Variants in RTN4RL1 observed in about 807,000 individuals in gnomAD.
RTN4RL1 encodes reticulon 4 receptor like 1, also known as reticulon-4 receptor-like 1.
RTN4RL1 carries 7 observed loss-of-function variants against 25.6 expected under a neutral mutation model. The ratio of observed to expected loss-of-function variants is 0.27; its 90% CI spans 0.16 to 0.51. RTN4RL1 has a LOEUF of 0.51. Ranked by LOEUF, RTN4RL1 falls within the 20% of genes least tolerant of loss-of-function variation. RTN4RL1 has a pLI of 0.97. For synonymous variants in RTN4RL1, 297 were observed against 288.2 expected (o/e 1.03, Z -0.31); for missense variants, 500 against 615.6 (o/e 0.81, Z 1.99).
At chr17:1,953,956 C>A (rs560682937) in intron 1 of RTN4RL1, among the ~76,000 whole-genome samples, 1 of 152,318 alleles carries the variant, frequency 6.6e-6, no homozygotes, top group Admixed American at 6.5e-5. Context: ...AAATGCATGG[C>A]CCTGAAGCCC....
intron 1 of RTN4RL1, among the ~76,000 whole-genome samples, chr17:1,956,221 C>G (rs10438728): frequency 0.45 from 68,410 of 151,656 alleles, 16,309 homozygotes; most frequent in Middle Eastern, 0.57. Flanking sequence ...CACCACCCAG[C>G]GGGGTGCAGG....
intron 1 of RTN4RL1, among the ~76,000 whole-genome samples, chr17:1,978,015 T>A (rs11656222): frequency 6.7e-6 from 1 of 150,246 alleles, no homozygotes; most frequent in South Asian, 2.1e-4. Flanking sequence ...GCACCCCGCA[T>A]CCTGCACCCC....
chr17:2,023,786 A>C (rs902271327), intron 1 of RTN4RL1: 4 of 152,016 alleles, frequency 2.6e-5, no homozygotes, highest in African/African-American at 7.2e-5. Context: ...CCATGGAAAC[A>C]GGGGCGGATT....
At chr17:1,995,297 G>C (rs1470801114) in intron 1 of RTN4RL1, among the ~76,000 whole-genome samples, 1 of 152,042 alleles carries the variant, frequency 6.6e-6, no homozygotes, top group African/African-American at 2.4e-5. Context: ...ATGGTGGTAG[G>C]TGCCTGTAAC....
intron 1 of RTN4RL1, among the ~76,000 whole-genome samples, chr17:1,986,005 G>A (rs867090663): frequency 4.6e-5 from 7 of 152,036 alleles, no homozygotes; most frequent in African/African-American, 1.7e-4. Flanking sequence ...TAAGCAACAA[G>A]CAGGAAGACA....
At chr17:1,952,063 G>GA (rs34538975) in intron 1 of RTN4RL1, among the ~76,000 whole-genome samples, 76,830 of 151,976 alleles carry the variant, frequency 0.51, 20,098 homozygotes, top group Middle Eastern at 0.62. Context: ...CCTCTACCCA[G>GA]AAGCTGCTGC....
intron 1 of RTN4RL1, among the ~76,000 whole-genome samples, chr17:1,993,504 A>C (rs1340442947): frequency 6.6e-6 from 1 of 152,188 alleles, no homozygotes; most frequent in Non-Finnish European, 1.5e-5. Context: ...GAGTAAGCAA[A>C]ATAATGGATT....
In RTN4RL1 at chr17:1,937,491, G is replaced by T. The variant is rs372360468; in HGVS notation, c.331C>A (p.Arg111=). ...TCGGGTGCCAGCGTCCGCAGCTGCC[G>T]GTTGTCGCCGAGGTCCAGCTCCTCC... ...HLEELDLGDN[R]QLRTLAPETF... Residue 111 remains arginine, a synonymous_variant, in exon 2 of 2, where the codon CGG becomes AGG. Transcript: ENST00000331238. 6.2e-6 allele frequency: 10 copies of T among 1,613,954 alleles called. No individual in the cohort carries two copies. The highest frequency in any genetic ancestry group is 8.5e-6 in the Non-Finnish European group (10 of 1,179,880).
chr17:1,974,446 G>C (rs12451228), intron 1 of RTN4RL1, among the ~76,000 whole-genome samples: 41,857 of 152,090 alleles, frequency 0.28, 6,076 homozygotes, highest in Admixed American at 0.4. Flanking sequence ...GCTTAGAGAG[G>C]TAAATGACTT....
In RTN4RL1 at chr17:1,949,026, G is replaced by A. The variant is rs529745331; in HGVS notation, c.14-11218C>T. ...GGCTGGAGTGCAGTGGCATGATCTC[G>A]GCTCACTGCAAGCTCCGCCTCCCGG... is the stretch of plus-strand genomic sequence containing the variant. On this transcript the variant is annotated intron_variant, in intron 1 of 1. Transcript: ENST00000331238. Among the ~76,000 whole-genome samples the A allele has an allele frequency of 8.0e-4, 121 of 151,974 alleles. 1 individual carries two copies. Among genetic ancestry groups the A allele is most frequent in the African/African-American group, 2.8e-3 (117 of 41,442 alleles).
intron 1 of RTN4RL1, among the ~76,000 whole-genome samples, chr17:1,979,123 A>G (rs999682515): frequency 6.6e-6 from 1 of 152,220 alleles, no homozygotes; most frequent in Non-Finnish European, 1.5e-5. Context: ...AAATGCAAAA[A>G]TTAGCTGAGC....
At chr17:1,982,104 A>G (rs1354780057) in intron 1 of RTN4RL1, among the ~76,000 whole-genome samples, 1 of 151,078 alleles carries the variant, frequency 6.6e-6, no homozygotes, top group Non-Finnish European at 1.5e-5. Flanking sequence ...GTTCCAGACC[A>G]GCATGGCCAG....
intron 1 of RTN4RL1, among the ~76,000 whole-genome samples, chr17:1,964,850 G>A (rs1217180077): frequency 1.4e-5 from 2 of 143,678 alleles, no homozygotes; most frequent in African/African-American, 2.6e-5. Context: ...GTGCAGTGGC[G>A]CAATCTTGGC....
intron 1 of RTN4RL1, among the ~76,000 whole-genome samples, chr17:1,999,894 G>C (rs2066949386): frequency 6.6e-6 from 1 of 152,234 alleles, no homozygotes; most frequent in African/African-American, 2.4e-5. Flanking sequence ...TCCTGTCTAG[G>C]GCCCAGAGCA....
At chr17:2,006,141 T>G (rs1213554081) in intron 1 of RTN4RL1, among the ~76,000 whole-genome samples, 2 of 149,762 alleles carry the variant, frequency 1.3e-5, no homozygotes, top group African/African-American at 4.9e-5. Flanking sequence ...GAATGTCATA[T>G]TTGGGGGAGG....
intron 1 of RTN4RL1, among the ~76,000 whole-genome samples, chr17:1,999,142 T>C (rs1304152990): frequency 6.4e-4 from 95 of 147,952 alleles, no homozygotes; most frequent in African/African-American, 2.3e-3. Flanking sequence ...GTGCTCATCA[T>C]ACACACACAC....
intron 1 of RTN4RL1, among the ~76,000 whole-genome samples, chr17:1,959,809 C>T (rs1317505515): frequency 2.6e-5 from 4 of 152,176 alleles, no homozygotes; most frequent in South Asian, 2.1e-4. Flanking sequence ...GTGATCCACC[C>T]ACCTCGGCCT....
At chr17:1,940,840 C>T (rs1915423831) in intron 1 of RTN4RL1, among the ~76,000 whole-genome samples, 2 of 152,200 alleles carry the variant, frequency 1.3e-5, no homozygotes, top group Non-Finnish European at 2.9e-5. Context: ...AGCCAGGGTG[C>T]CCCTCCTAGC....
chr17:2,013,091 G>A (rs945111920), intron 1 of RTN4RL1, among the ~76,000 whole-genome samples: 10 of 152,194 alleles, frequency 6.6e-5, no homozygotes, highest in African/African-American at 2.4e-4. Context: ...ACTGCGCCCG[G>A]CCTGCTATGT....
Sources: gnomAD v4.1 joint callset for allele counts (sites outside exome capture counted in the v4.1 genomes callset) on GRCh38, gnomAD v4.1.1 for gene constraint, MANE v1.5 for transcripts, NCBI Gene and HGNC (gene_info 2026-07-23, HGNC 2026-07-21) for gene names.